Variants in UBE2E3 observed in about 807,000 individuals in gnomAD.
The protein encoded by UBE2E3 is ubiquitin conjugating enzyme E2 E3.
A neutral mutation model predicts 23.6 loss-of-function variants in UBE2E3; 5 were observed. The observed-to-expected ratio is 0.21, with a 90% confidence interval of 0.11 to 0.44. The LOEUF is 0.44. Ranked by LOEUF, UBE2E3 falls within the 20% of genes least tolerant of loss-of-function variation. The probability of loss-of-function intolerance (pLI) is 0.99; values close to 1 mark genes in which losing one functional copy is unlikely to be tolerated. For synonymous variants in UBE2E3, 78 were observed against 87.5 expected, an observed-to-expected ratio of 0.89 and a Z score of 0.60; for missense variants, 81 against 249.8, an observed-to-expected ratio of 0.32 and a Z score of 4.55.
chr2:181,034,287 T>A (rs184619124), intron 3 of UBE2E3, among the ~76,000 whole-genome samples: 16 of 152,318 alleles, frequency 1.1e-4, no homozygotes, highest in Admixed American at 2.0e-4. Context: ...CAAATGTCCA[T>A]CAATGATAGA....
At chr2:181,011,449 G>A (rs1685325181) in intron 3 of UBE2E3, among the ~76,000 whole-genome samples, 2 of 152,148 alleles carry the variant, frequency 1.3e-5, no homozygotes, top group South Asian at 2.1e-4. Flanking sequence ...CCTCTCAGAG[G>A]TTCTACTTCC....
chr2:181,040,679 G>A (rs1023160591), intron 3 of UBE2E3, among the ~76,000 whole-genome samples: 5 of 152,124 alleles, frequency 3.3e-5, no homozygotes, highest in African/African-American at 9.7e-5. Context: ...TGGATCATAG[G>A]TAAAAAATAC....
intron 3 of UBE2E3, among the ~76,000 whole-genome samples, chr2:181,009,127 C>A (rs1158815509): frequency 6.6e-6 from 1 of 152,046 alleles, no homozygotes; most frequent in East Asian, 1.9e-4. Context: ...TACATTTTGT[C>A]ACTTGTCCTT....
At chr2:180,994,319 A>G (rs990920518) in intron 3 of UBE2E3, among the ~76,000 whole-genome samples, 2 of 152,130 alleles carry the variant, frequency 1.3e-5, no homozygotes, top group African/African-American at 4.8e-5. Flanking sequence ...ATGAACCCCC[A>G]TATATATAAC....
At chr2:180,985,683 G>A (rs1029089189) in intron 3 of UBE2E3, among the ~76,000 whole-genome samples, 4 of 152,090 alleles carry the variant, frequency 2.6e-5, no homozygotes, top group African/African-American at 7.2e-5. Context: ...CTCCCTGGAA[G>A]AATCACTTAA....
chr2:181,055,161 G>A (rs1409172186), intron 3 of UBE2E3, among the ~76,000 whole-genome samples: 3 of 151,762 alleles, frequency 2.0e-5, no homozygotes, highest in African/African-American at 7.3e-5. Context: ...ACTGAAGATA[G>A]CAGATGTAGA....
intron 3 of UBE2E3, among the ~76,000 whole-genome samples, chr2:181,048,337 C>A (rs941903849): frequency 1.8e-4 from 28 of 152,088 alleles, no homozygotes; most frequent in Non-Finnish European, 3.7e-4. Flanking sequence ...CTCAATAACT[C>A]CTTAATGAAT....
chr2:181,018,896 A>G (rs1685583053), intron 3 of UBE2E3, among the ~76,000 whole-genome samples: 1 of 152,138 alleles, frequency 6.6e-6, no homozygotes, highest in Non-Finnish European at 1.5e-5. Flanking sequence ...TCTAGGTTCC[A>G]TGCTCTCAGA....
At position 181,021,172 on chromosome 2, in the gene UBE2E3, C is replaced by T. The variant is rs941506160; in HGVS notation, c.246-36521C>T. On this transcript the variant is annotated intron_variant, in intron 3 of 5. Transcript: ENST00000410062. ...ACATATAGTAATGTAGTTGCGACTA[C>T]GAAACATGAGATTAGTCAGGATTGT... 3.3e-5 allele frequency among the ~76,000 whole-genome samples: 5 copies of T among 152,032 alleles called. No homozygotes were observed. The East Asian group carries it at 5.8e-4, about 18-fold the overall frequency.
chr2:181,048,169 T>TC (rs2105470190), intron 3 of UBE2E3, among the ~76,000 whole-genome samples: 2 of 152,250 alleles, frequency 1.3e-5, no homozygotes, highest in South Asian at 4.1e-4. Context: ...CTCTAACATT[T>TC]CCCCGGCATT....
intron 3 of UBE2E3, among the ~76,000 whole-genome samples, chr2:181,021,632 T>TTTCCTTACTTCCTTCC (rs1685699967): frequency 2.5e-5 from 1 of 39,994 alleles, no homozygotes; most frequent in Non-Finnish European, 4.4e-5. Context: ...CCCTCCCTTT[T>TTTCCTTACTTCCTTCC]TTCCTTCCTT....
intron 3 of UBE2E3, among the ~76,000 whole-genome samples, chr2:180,991,646 TTTTG>T (rs780048992): frequency 1.1e-4 from 17 of 152,302 alleles, no homozygotes; most frequent in South Asian, 2.1e-4. Context: ...TTTTTTGCGA[TTTTG>T]TTTGTTTGTT....
chr2:181,040,408 AAAAT>A (rs1331249177), intron 3 of UBE2E3, among the ~76,000 whole-genome samples: 18 of 152,332 alleles, frequency 1.2e-4, no homozygotes, highest in African/African-American at 4.1e-4. Flanking sequence ...TGATGTACAT[AAAAT>A]AAATATTAGT....
At chr2:181,047,713 C>CA (rs1686713369) in intron 3 of UBE2E3, among the ~76,000 whole-genome samples, 1 of 152,108 alleles carries the variant, frequency 6.6e-6, no homozygotes, top group Admixed American at 6.6e-5. Flanking sequence ...AGCCTATCAT[C>CA]ATCTTTCACC....
chr2:181,060,068 T>G (rs1424653319), intron 4 of UBE2E3, among the ~76,000 whole-genome samples: 3 of 151,732 alleles, frequency 2.0e-5, no homozygotes, highest in African/African-American at 7.3e-5. Flanking sequence ...CTTGTTTATT[T>G]TATTTTAATA....
chr2:181,031,319 G>A (rs2105646893), intron 3 of UBE2E3, among the ~76,000 whole-genome samples: 1 of 151,942 alleles, frequency 6.6e-6, no homozygotes, highest in East Asian at 1.9e-4. Flanking sequence ...CCCTCTGGTT[G>A]TCAAAAACAA....
intron 3 of UBE2E3, among the ~76,000 whole-genome samples, chr2:181,016,543 A>T (rs1441813318): frequency 6.6e-6 from 1 of 152,166 alleles, no homozygotes; most frequent in Non-Finnish European, 1.5e-5. Context: ...GACTCATTTT[A>T]CAGTTTAGCC....
chr2:181,061,804 C>G (rs1216595360), intron 5 of UBE2E3, among the ~76,000 whole-genome samples: 1 of 146,824 alleles, frequency 6.8e-6, no homozygotes, highest in African/African-American at 2.5e-5. Context: ...TGACTTACTT[C>G]TAAATATTTG....
rs576451031 is a variant in UBE2E3, at chr2:181,052,981, C to G, written c.246-4712C>G. 1.3e-5 allele frequency among the ~76,000 whole-genome samples: 2 copies of G among 151,964 alleles called. 1 individual carries two copies. Among genetic ancestry groups the G allele is most frequent in the South Asian group, 4.1e-4 (2 of 4,824 alleles). ...CTGTGCACAGGACACCTCGCCATCA[C>G]TTTTACAATGCTGTTCCCTCTTAGT... On this transcript the variant is annotated intron_variant, in intron 3 of 5. Transcript: ENST00000410062.
Sources: gnomAD v4.1 joint callset for allele counts (sites outside exome capture counted in the v4.1 genomes callset) on GRCh38, gnomAD v4.1.1 for gene constraint, MANE v1.5 for transcripts, NCBI Gene and HGNC (gene_info 2026-07-23, HGNC 2026-07-21) for gene names.